EXOC6B: variants seen among roughly 807,000 people sequenced by gnomAD.
The protein encoded by EXOC6B is exocyst complex component 6B.
Under a neutral mutation model 113.5 loss-of-function variants are expected in EXOC6B, and 54 were observed. That is an observed-to-expected ratio of 0.48 (90% CI 0.38 to 0.60). The LOEUF (loss-of-function observed/expected upper bound fraction) is 0.60. Ranked by LOEUF, EXOC6B falls within the 20% of genes least tolerant of loss-of-function variation. The pLI, the probability that EXOC6B is intolerant of heterozygous loss-of-function variation, is 0.00. For synonymous variants in EXOC6B, 357 were observed against 339.0 expected (o/e 1.05, Z -0.58); for missense variants, 797 against 977.5 (o/e 0.82, Z 2.46).
At chr2:72,551,016 T>A (rs1703191368) in intron 8 of EXOC6B, among the ~76,000 whole-genome samples, 1 of 151,686 alleles carries the variant, frequency 6.6e-6, no homozygotes. Flanking sequence ...AAATGACAAT[T>A]ATGCATGCAA....
At chr2:72,533,887 T>C (rs1474507331) in intron 8 of EXOC6B, among the ~76,000 whole-genome samples, 1 of 152,192 alleles carries the variant, frequency 6.6e-6, no homozygotes, top group Non-Finnish European at 1.5e-5. Context: ...TCAATGATAC[T>C]ATAAAGTAAA....
intron 18 of EXOC6B, among the ~76,000 whole-genome samples, chr2:72,395,457 G>T (rs1692667324): frequency 6.6e-6 from 1 of 151,982 alleles, no homozygotes; most frequent in African/African-American, 2.4e-5. Context: ...TAGGTGCTTT[G>T]GTCATTATTT....
intron 1 of EXOC6B, among the ~76,000 whole-genome samples, chr2:72,780,029 C>T (rs1209133310): frequency 6.6e-6 from 1 of 152,104 alleles, no homozygotes; most frequent in African/African-American, 2.4e-5. Flanking sequence ...TTTTCAGATG[C>T]TTGGTATAAC....
intron 1 of EXOC6B, among the ~76,000 whole-genome samples, chr2:72,757,807 G>C (rs1456439362): frequency 6.6e-6 from 1 of 152,100 alleles, no homozygotes; most frequent in Non-Finnish European, 1.5e-5. Flanking sequence ...TTAAAATTCA[G>C]TGTCTTTTCC....
intron 1 of EXOC6B, among the ~76,000 whole-genome samples, chr2:72,818,485 C>T (rs1686402179): frequency 6.6e-6 from 1 of 151,694 alleles, no homozygotes; most frequent in Non-Finnish European, 1.5e-5. Flanking sequence ...AGTAGAGACA[C>T]GGTTTCACCA....
chr2:72,444,815 A>G (rs760055070), intron 18 of EXOC6B, among the ~76,000 whole-genome samples: 4 of 151,922 alleles, frequency 2.6e-5, no homozygotes, highest in Non-Finnish European at 4.4e-5. Context: ...ACATGAAACC[A>G]TTTTCTCTTC....
intron 1 of EXOC6B, among the ~76,000 whole-genome samples, chr2:72,754,236 G>A (rs1162215450): frequency 6.6e-6 from 1 of 152,034 alleles, no homozygotes; most frequent in Non-Finnish European, 1.5e-5. Context: ...AACTGCTTTG[G>A]TTCATAAAAC....
At chr2:72,648,054 AT>A (rs1673870949) in intron 6 of EXOC6B, among the ~76,000 whole-genome samples, 2 of 152,362 alleles carry the variant, frequency 1.3e-5, no homozygotes, top group South Asian at 4.1e-4. Context: ...AATATCCAGA[AT>A]CTACAAAGTA....
At chr2:72,399,017 A>C (rs544928388) in intron 18 of EXOC6B, among the ~76,000 whole-genome samples, 1 of 151,678 alleles carries the variant, frequency 6.6e-6, no homozygotes, top group Non-Finnish European at 1.5e-5. Flanking sequence ...AAGAAAAAAA[A>C]AAAAAGAAAA....
chr2:72,334,177 T>C (rs1266429699), intron 20 of EXOC6B, among the ~76,000 whole-genome samples: 1 of 152,030 alleles, frequency 6.6e-6, no homozygotes, highest in Non-Finnish European at 1.5e-5. Context: ...AGTGAAGAGA[T>C]GACAGAGCCC....
chr2:72,319,442 G>T (rs925589032), intron 20 of EXOC6B, among the ~76,000 whole-genome samples: 9 of 152,074 alleles, frequency 5.9e-5, no homozygotes, highest in African/African-American at 2.2e-4. Flanking sequence ...TGGAAAGAAA[G>T]AATCTAAAAC....
chr2:72,699,065 G>T (rs778024799), intron 6 of EXOC6B, among the ~76,000 whole-genome samples: 1 of 152,090 alleles, frequency 6.6e-6, no homozygotes, highest in Admixed American at 6.5e-5. Flanking sequence ...AAAAAAGAAG[G>T]TTCATGAGTT....
At position 72,533,076 on chromosome 2, in the gene EXOC6B, G is replaced by T. The variant is rs117089510; in HGVS notation, c.916-17950C>A. ...TCCCTTAAGAGGGTACTAAAGCAAT[G>T]CCTGGAAAGAGGGGAAATTTTTGCT... On this transcript the variant is annotated intron_variant, in intron 8 of 21. Coordinates refer to ENST00000272427, the MANE Select transcript of EXOC6B (RefSeq NM_015189.3). Among the ~76,000 whole-genome samples, 346 of 152,266 alleles carry T rather than the reference G, an allele frequency of 2.3e-3. 9 individuals are homozygous for T. The East Asian group carries it at 0.055, about 24-fold the overall frequency.
chr2:72,498,466 G>A lies in EXOC6B; in HGVS notation c.1325C>T (p.Ala442Val), dbSNP rs963525502. Residue 442 changes from alanine to valine, a missense_variant, in exon 13 of 22, where the codon GCA becomes GTA. Transcript: ENST00000272427. The part of the protein sequence containing the change: ...QYSETLLKKW[A>V]GIFRNILDSD... ...GATAATTTCTCACCTGAAAATACCT[G>A]CCCACTTCTTTAGCAGAGTTTCACT... The A allele has an allele frequency of 5.0e-6, 8 of 1,608,748 alleles. No homozygotes were observed. The highest frequency in any genetic ancestry group is 5.9e-6 in the Non-Finnish European group (7 of 1,177,316).
At chr2:72,382,556 C>A (rs1372187525) in intron 18 of EXOC6B, among the ~76,000 whole-genome samples, 1 of 152,038 alleles carries the variant, frequency 6.6e-6, no homozygotes, top group Non-Finnish European at 1.5e-5. Flanking sequence ...TAGTTTAGTT[C>A]TGTGAAGAAT....
At chr2:72,479,783 T>G (rs1284249093) in intron 17 of EXOC6B, among the ~76,000 whole-genome samples, 1 of 152,208 alleles carries the variant, frequency 6.6e-6, no homozygotes, top group African/African-American at 2.4e-5. Context: ...TTGTTCTACA[T>G]GACTGTCATT....
rs563894319 is a variant in EXOC6B, at chr2:72,347,418, T to C, written c.2123-12398A>G. 2.0e-3 allele frequency among the ~76,000 whole-genome samples: 311 copies of C among 152,294 alleles called. 2 individuals carry two copies. The highest frequency in any genetic ancestry group is 3.4e-3 in the Middle Eastern group (1 of 294). On this transcript the variant is annotated intron_variant, in intron 19 of 21. Transcript: ENST00000272427. ...CTGATTATTCTGCCATATGAACATA[T>C]ATCCGAAGCTATGGCTATCTGAAAT...
intron 17 of EXOC6B, among the ~76,000 whole-genome samples, chr2:72,479,434 A>G (rs1241979115): frequency 6.6e-6 from 1 of 152,180 alleles, no homozygotes; most frequent in African/African-American, 2.4e-5. Flanking sequence ...AAAATAGAGA[A>G]AGAGGTTAAG....
rs77954864 is a variant in EXOC6B at position 72,376,462 on chromosome 2, C to T, written c.2122+3267G>A. ...TCACTGTTCTTCATTATGTACTATA[C>T]CTTTTCGTCTTTGGCTGCTTTAAAA... On this transcript the variant is annotated intron_variant, in intron 19 of 21. Coordinates refer to ENST00000272427, the MANE Select transcript of EXOC6B (RefSeq NM_015189.3). Among the ~76,000 whole-genome samples the T allele has an allele frequency of 6.6e-3, 1,010 of 152,198 alleles. 17 individuals carry two copies. The highest frequency in any genetic ancestry group is 0.023 in the African/African-American group (973 of 41,526).
Sources: gnomAD v4.1 joint callset for allele counts (sites outside exome capture counted in the v4.1 genomes callset) on GRCh38, gnomAD v4.1.1 for gene constraint, MANE v1.5 for transcripts, NCBI Gene and HGNC (gene_info 2026-07-23, HGNC 2026-07-21) for gene names.